TF: variants seen among roughly 807,000 people sequenced by gnomAD.
The protein encoded by TF is transferrin.
Under a neutral mutation model 82.4 loss-of-function variants are expected in TF, and 55 were observed. The ratio of observed to expected loss-of-function variants is 0.67; its 90% CI spans 0.54 to 0.84. The LOEUF (loss-of-function observed/expected upper bound fraction) is 0.84. Ranked by LOEUF, TF falls within the 40% of genes least tolerant of loss-of-function variation. The probability of loss-of-function intolerance (pLI) is 0.00; values close to 1 mark genes in which losing one functional copy is unlikely to be tolerated. For synonymous variants in TF, 332 were observed against 332.6 expected (o/e 1.00, Z 0.02); for missense variants, 737 against 868.4 (o/e 0.85, Z 1.90).
rs143019827 is a variant in TF at position 133,757,934 on chromosome 3, C to T, written c.1036C>T (p.Arg346Trp). 53 of 1,614,112 alleles carry T rather than the reference C, an allele frequency of 3.3e-5. No individual in the cohort carries two copies. In the East Asian group the frequency reaches 1.0e-3, roughly 31 times the overall value. The change falls in exon 8 of 17, where the codon CGG becomes TGG. Residue 346 changes from arginine to tryptophan, a missense_variant. Physicochemically the swap from Arg to Trp is moderately radical, Grantham distance 101. Coordinates refer to ENST00000402696, the MANE Select transcript of TF (RefSeq NM_001063.4). ...YEYVTAIRNL[R>W]EGTCPEAPTD... ...GTATGTCACTGCCATCCGGAATCTA[C>T]GGGAAGGCACATGTGAGTACCTGGG...
intron 13 of TF, among the ~76,000 whole-genome samples, chr3:133,769,009 GT>G (rs2107928084): frequency 6.6e-6 from 1 of 152,176 alleles, no homozygotes; most frequent in South Asian, 2.1e-4. Flanking sequence ...GCCTAGGCTG[GT>G]CTCAAACTCC....
intron 14 of TF, chr3:133,773,652 T>C (rs1485468311): frequency 1.3e-5 from 2 of 152,196 alleles, no homozygotes; most frequent in African/African-American, 4.8e-5. Flanking sequence ...TTTCCACCAA[T>C]AAACGTGTAT....
chr3:133,789,894 T>TG lies in TF; in HGVS notation c.*11274_*11275insG, dbSNP rs1159832985. 1 of 148,142 alleles carries TG rather than the reference T, an allele frequency of 6.8e-6. No individual in the cohort carries two copies. The highest frequency in any genetic ancestry group is 2.5e-5 in the African/African-American group (1 of 39,974). The allele number at this position is 148,142 out of a possible 1,614,324, so 9.2% of individuals were successfully genotyped here. On this transcript the variant is annotated 3_prime_UTR_variant, in exon 17 of 17. Coordinates refer to ENST00000402696, the MANE Select transcript of TF (RefSeq NM_001063.4). ...TCTCGTTTGCGTTTTTTTTTTTTTT[T>TG]TTTTTTTTTTTTTTGACAAATGAGC... is the stretch of plus-strand genomic sequence containing the variant.
At chr3:133,759,437 C>T in intron 9 of TF, 108 bp downstream of exon 9, 1 of 1,431,170 alleles carries the variant, frequency 7.0e-7, no homozygotes, top group Non-Finnish European at 9.7e-7. Context: ...ACCTGGCTCC[C>T]AGGAACCTTG....
At chr3:133,732,951 G>A in the TF span, among the ~76,000 whole-genome samples, 6 of 152,118 alleles carry the variant, frequency 3.9e-5, no homozygotes, top group Non-Finnish European at 7.4e-5. Flanking sequence ...TAGCTTTAGT[G>A]GTGTCTTCAG....
At chr3:133,727,248 A>G in the TF span, among the ~76,000 whole-genome samples, 2 of 152,006 alleles carry the variant, frequency 1.3e-5, no homozygotes, top group Non-Finnish European at 2.9e-5. Flanking sequence ...TAATGTTGAT[A>G]GTGGGGTGTT....
At chr3:133,672,747 G>A in the TF span, among the ~76,000 whole-genome samples, 2 of 122,890 alleles carry the variant, frequency 1.6e-5, no homozygotes, top group Non-Finnish European at 3.3e-5. Context: ...AGGGGAAGGG[G>A]AGGGAAAGGA....
chr3:133,693,265 A>T, the TF span, among the ~76,000 whole-genome samples: 2 of 152,138 alleles, frequency 1.3e-5, no homozygotes, highest in African/African-American at 4.8e-5. Flanking sequence ...GATTCTAGAC[A>T]CACTATTGGC....
chr3:133,736,222 A>C, the TF span, among the ~76,000 whole-genome samples: 1 of 152,218 alleles, frequency 6.6e-6, no homozygotes, highest in African/African-American at 2.4e-5. Flanking sequence ...TAAGTGAAGG[A>C]GAAATAAAAT....
chr3:133,701,524 G>A, the TF span, among the ~76,000 whole-genome samples: 1 of 152,198 alleles, frequency 6.6e-6, no homozygotes, highest in Non-Finnish European at 1.5e-5. Flanking sequence ...GTTAGACGTG[G>A]GCATATGGTG....
chr3:133,663,706 C>A, the TF span, among the ~76,000 whole-genome samples: 67 of 152,274 alleles, frequency 4.4e-4, 1 homozygote, highest in African/African-American at 1.6e-3. Context: ...CCGTGCCTTT[C>A]CTGACACACC....
chr3:133,742,449 GGAGAGAGA>G (rs370552933), upstream of TF, among the ~76,000 whole-genome samples: 3 of 151,524 alleles, frequency 2.0e-5, no homozygotes, highest in Non-Finnish European at 4.4e-5. Context: ...GGAAAGAGAA[GGAGAGAGA>G]GAGAGAGAAA....
At chr3:133,722,227 A>G in the TF span, among the ~76,000 whole-genome samples, 10 of 151,708 alleles carry the variant, frequency 6.6e-5, no homozygotes, top group South Asian at 2.1e-4. Flanking sequence ...CTGATGTAAT[A>G]TGGCTACTTC....
At chr3:133,673,727 G>A in the TF span, among the ~76,000 whole-genome samples, 1 of 152,076 alleles carries the variant, frequency 6.6e-6, no homozygotes, top group Admixed American at 6.6e-5. Context: ...GTTTGTTAAC[G>A]TTTTGTTTCT....
At chr3:133,774,443 C>A (rs1333827317) in intron 14 of TF, 1 of 151,770 alleles carries the variant, frequency 6.6e-6, no homozygotes, top group Non-Finnish European at 1.5e-5. Context: ...TATGTACTGA[C>A]AAGAAGAATC....
rs1259956698 is a variant in TF at position 133,794,818 on chromosome 3, AG to A, written c.*16199del. ...GAATCAAGACTTCTCTATTATCATG[AG>A]ACTCTTATCTTTGAATATTTTTTCC... On this transcript the variant is annotated 3_prime_UTR_variant, in exon 17 of 17. Transcript: ENST00000402696. 6.6e-6 allele frequency: 1 copy of A among 152,228 alleles called. No individual in the cohort carries two copies. Among genetic ancestry groups the A allele is most frequent in the Non-Finnish European group, 1.5e-5 (1 of 68,042 alleles). The allele number at this position is 152,228 out of a possible 1,614,324, so 9.4% of individuals were successfully genotyped here. A position where few individuals can be genotyped will look rare whatever the true frequency, so the allele number is the denominator to read the frequency against.
intron 15 of TF, among the ~76,000 whole-genome samples, chr3:133,776,232 G>C (rs1304155229): frequency 1.3e-5 from 2 of 152,252 alleles, no homozygotes; most frequent in East Asian, 3.9e-4. Context: ...CTCTTGCCTA[G>C]GCAGACTGAG....
the TF span, among the ~76,000 whole-genome samples, chr3:133,706,660 G>A: frequency 6.6e-6 from 1 of 152,166 alleles, no homozygotes; most frequent in African/African-American, 2.4e-5. Context: ...AAAACCAAGT[G>A]CATACTTGGG....
At chr3:133,766,902 A>G (rs1338294257) in intron 12 of TF, among the ~76,000 whole-genome samples, 3 of 152,218 alleles carry the variant, frequency 2.0e-5, no homozygotes, top group African/African-American at 7.2e-5. Flanking sequence ...CTCTCTAGGA[A>G]GTCTAACCAG....
Sources: allele counts gnomAD v4.1 joint callset (sites outside exome capture counted in the v4.1 genomes callset), GRCh38; gene constraint gnomAD v4.1.1; transcripts MANE v1.5; gene names NCBI Gene and HGNC (gene_info 2026-07-23, HGNC 2026-07-21).